The following ITGBL1 variants were observed in gnomAD, a reference collection of about 807,000 sequenced individuals.
The protein encoded by ITGBL1 is integrin beta-like protein 1.
In ITGBL1, 51 loss-of-function variants were observed where a neutral mutation model predicts 68.5. The observed-to-expected ratio is 0.74, with a 90% CI of 0.59 to 0.94. The LOEUF (loss-of-function observed/expected upper bound fraction) is 0.94. Among genes scored for constraint, ITGBL1 ranks in the 40% least tolerant of loss-of-function variants. The pLI is 0.00. For missense variants in ITGBL1, 649 were observed against 647.4 expected, an observed-to-expected ratio of 1.00 and a Z score of -0.03; for synonymous variants, 209 against 227.3, an observed-to-expected ratio of 0.92 and a Z score of 0.72.
chr13:101,513,304 G>A (rs1317355402), intron 2 of ITGBL1, among the ~76,000 whole-genome samples: 1 of 152,088 alleles, frequency 6.6e-6, no homozygotes, highest in Non-Finnish European at 1.5e-5. Flanking sequence ...GAGTTATACT[G>A]TGAAGGTGAT....
intron 2 of ITGBL1, among the ~76,000 whole-genome samples, chr13:101,476,680 C>T (rs1198343032): frequency 6.6e-5 from 10 of 151,718 alleles, no homozygotes; most frequent in Non-Finnish European, 1.5e-4. Flanking sequence ...AAACAGAAAC[C>T]AAAGAAGAGC....
intron 7 of ITGBL1, among the ~76,000 whole-genome samples, chr13:101,635,725 A>G: frequency 6.6e-6 from 1 of 152,160 alleles, no homozygotes; most frequent in South Asian, 2.1e-4. Context: ...TGTAGACCCA[A>G]ACCATATAGG....
intron 2 of ITGBL1, among the ~76,000 whole-genome samples, chr13:101,544,109 T>A (rs1305248749): frequency 6.6e-6 from 1 of 152,150 alleles, no homozygotes; most frequent in Non-Finnish European, 1.5e-5. Flanking sequence ...GCTGCGTTCC[T>A]TTGGAGGAGG....
chr13:101,648,934 C>A (rs9518471), intron 7 of ITGBL1, among the ~76,000 whole-genome samples: 36,079 of 151,660 alleles, frequency 0.24, 4,783 homozygotes, highest in Admixed American at 0.31. Flanking sequence ...GTCATGAATT[C>A]ATGATTTGTG....
At chr13:101,498,779 C>T (rs137907308) in intron 2 of ITGBL1, among the ~76,000 whole-genome samples, 1 of 152,194 alleles carries the variant, frequency 6.6e-6, no homozygotes, top group African/African-American at 2.4e-5. Context: ...TCTGTGTTAG[C>T]CTGTTTTTAG....
intron 3 of ITGBL1, among the ~76,000 whole-genome samples, chr13:101,574,676 C>T (rs1159241769): frequency 6.6e-6 from 1 of 152,074 alleles, no homozygotes; most frequent in Admixed American, 6.6e-5. Context: ...GGCATTCTAC[C>T]TCTCAAAATT....
intron 6 of ITGBL1, among the ~76,000 whole-genome samples, chr13:101,597,314 G>A (rs1274363312): frequency 6.6e-6 from 1 of 151,036 alleles, no homozygotes; most frequent in South Asian, 2.1e-4. Flanking sequence ...TATGTCTACT[G>A]GGCTGTTAAT....
At chr13:101,536,211 C>T (rs954257007) in intron 2 of ITGBL1, among the ~76,000 whole-genome samples, 1 of 151,870 alleles carries the variant, frequency 6.6e-6, no homozygotes, top group African/African-American at 2.4e-5. Context: ...CTAGGCTATA[C>T]TTGTTTCTTC....
At chr13:101,515,351 G>A (rs2049178932) in intron 2 of ITGBL1, among the ~76,000 whole-genome samples, 2 of 151,304 alleles carry the variant, frequency 1.3e-5, no homozygotes, top group Non-Finnish European at 2.9e-5. Flanking sequence ...TTTTAGCCCA[G>A]CATTTTGATG....
chr13:101,660,423 A>G (rs1036224966), intron 7 of ITGBL1, among the ~76,000 whole-genome samples: 64 of 152,194 alleles, frequency 4.2e-4, no homozygotes, highest in Non-Finnish European at 8.8e-5. Context: ...TCAGAAATGC[A>G]AAATCCTGAA....
chr13:101,489,640 T>C (rs1159811743), intron 2 of ITGBL1, among the ~76,000 whole-genome samples: 1 of 152,170 alleles, frequency 6.6e-6, no homozygotes, highest in African/African-American at 2.4e-5. Context: ...AGAGTGAATG[T>C]AAATAATGCC....
intron 7 of ITGBL1, among the ~76,000 whole-genome samples, chr13:101,661,957 T>C (rs1424245586): frequency 2.0e-5 from 3 of 152,182 alleles, no homozygotes; most frequent in African/African-American, 7.2e-5. Context: ...TCTCAGGCAA[T>C]CGGATGTATT....
At chr13:101,556,728 A>G (rs141235906) in intron 2 of ITGBL1, among the ~76,000 whole-genome samples, 4 of 152,270 alleles carry the variant, frequency 2.6e-5, no homozygotes, top group South Asian at 2.1e-4. Context: ...TGAGTGATGC[A>G]ACTGTGAGCT....
In ITGBL1 at chr13:101,714,534, A is replaced by G. The variant is rs2034627609; in HGVS notation, c.1376A>G (p.Asp459Gly). 9 of 1,601,362 alleles carry G rather than the reference A, an allele frequency of 5.6e-6. No individual in the cohort carries two copies. Among genetic ancestry groups the G allele is most frequent in the African/African-American group, 1.3e-5 (1 of 74,652 alleles). ...DCDDRDCDKHDGLICTGNGIC... is the reference protein window; with the variant it reads ...DCDDRDCDKHGGLICTGNGIC... Reference sequence around the variant, plus strand: ...GATGACAGAGACTGCGACAAACATGATGGTCTCATTTGTACAGGTGCAGTA... The same window carrying G: ...GATGACAGAGACTGCGACAAACATGGTGGTCTCATTTGTACAGGTGCAGTA... Residue 459 changes from aspartate to glycine, a missense_variant, in exon 10 of 11, where the codon GAT (aspartate) becomes GGT (glycine). Coordinates refer to ENST00000376180, the MANE Select transcript of ITGBL1 (RefSeq NM_004791.3).
At chr13:101,489,898 A>G (rs2048751184) in intron 2 of ITGBL1, 5 of 1,036,228 alleles carry the variant, frequency 4.8e-6, no homozygotes, top group Non-Finnish European at 7.2e-6. Flanking sequence ...ACTAAAGGTT[A>G]GTGTGACGGT....
In ITGBL1 at chr13:101,579,272, T is replaced by A; in HGVS notation, c.587-15T>A. ...TGCTTTTTTCCTCACTGTATAAAAT[T>A]CATTTTGGGTAAAGGCCATGGGAAG... On this transcript the variant is annotated splice_polypyrimidine_tract_variant and intron_variant, in intron 4 of 10. Coordinates refer to ENST00000376180, the MANE Select transcript of ITGBL1 (RefSeq NM_004791.3). 6.2e-7 allele frequency: 1 copy of A among 1,610,894 alleles called. No individual in the cohort carries two copies.
At chr13:101,707,326 C>A (rs2034284216) in intron 9 of ITGBL1, among the ~76,000 whole-genome samples, 1 of 152,032 alleles carries the variant, frequency 6.6e-6, no homozygotes, top group Admixed American at 6.6e-5. Context: ...ACTTTGGGAA[C>A]TTCTGGGGCT....
intron 2 of ITGBL1, among the ~76,000 whole-genome samples, chr13:101,561,384 A>G (rs1189561920): frequency 6.6e-6 from 1 of 152,120 alleles, no homozygotes; most frequent in Non-Finnish European, 1.5e-5. Context: ...ATAAAACAAA[A>G]TCTTTCACTG....
chr13:101,692,709 C>T lies in ITGBL1; in HGVS notation c.1132+8C>T. 5.1e-6 allele frequency: 8 copies of T among 1,567,864 alleles called. No individual in the cohort carries two copies. The highest frequency in any genetic ancestry group is 7.0e-6 in the Non-Finnish European group (8 of 1,137,966). ...ATGGTGTGGTCTGTGGAGGTAGTAA[C>T]CTTTCTCATAGCTGTATGCTACCTG... On this transcript the variant is annotated splice_region_variant and intron_variant, in intron 8 of 10. Coordinates refer to ENST00000376180, the MANE Select transcript of ITGBL1 (RefSeq NM_004791.3).
Sources: gnomAD v4.1 joint callset for allele counts (sites outside exome capture counted in the v4.1 genomes callset) on GRCh38, gnomAD v4.1.1 for gene constraint, MANE v1.5 for transcripts, NCBI Gene and HGNC (gene_info 2026-07-23, HGNC 2026-07-21) for gene names.